PHLDB2: variants seen among roughly 807,000 people sequenced by gnomAD.
The protein encoded by PHLDB2 is pleckstrin homology like domain family B member 2.
Under a neutral mutation model 123.6 loss-of-function variants are expected in PHLDB2, and 71 were observed. The observed-to-expected ratio is 0.57, with a 90% confidence interval of 0.47 to 0.70. The LOEUF is 0.70. Ranked by LOEUF, PHLDB2 falls within the 30% of genes least tolerant of loss-of-function variation. The pLI, the probability that PHLDB2 is intolerant of heterozygous loss-of-function variation, is 0.00. For synonymous variants in PHLDB2, 547 were observed against 541.6 expected, an observed-to-expected ratio of 1.01 and a Z score of -0.14; for missense variants, 1,446 against 1,519.5, an observed-to-expected ratio of 0.95 and a Z score of 0.80.
At chr3:111,846,680 AC>A (rs1487208624) in intron 2 of PHLDB2, among the ~76,000 whole-genome samples, 3 of 152,086 alleles carry the variant, frequency 2.0e-5, no homozygotes, top group Admixed American at 6.6e-5. Flanking sequence ...AAATAGAAAA[AC>A]CTGTGTTAGG....
At chr3:111,971,832 G>A (rs539844665) in intron 16 of PHLDB2, among the ~76,000 whole-genome samples, 1 of 152,322 alleles carries the variant, frequency 6.6e-6, no homozygotes, top group Non-Finnish European at 1.5e-5. Context: ...AGGACTCTGT[G>A]TTATTCATGG....
intron 1 of PHLDB2, among the ~76,000 whole-genome samples, chr3:111,873,738 T>C (rs146379408): frequency 5.1e-4 from 78 of 152,336 alleles, no homozygotes; most frequent in African/African-American, 1.8e-3. Flanking sequence ...CAAAGCAAAG[T>C]CCTTCTTTCT....
intron 1 of PHLDB2, among the ~76,000 whole-genome samples, chr3:111,785,880 C>T (rs1281339336): frequency 6.6e-6 from 1 of 152,010 alleles, no homozygotes. Flanking sequence ...AAATGTTTTG[C>T]TCGGGAAGAG....
chr3:111,967,403 A>G (rs2071847955), intron 14 of PHLDB2, among the ~76,000 whole-genome samples: 2 of 152,228 alleles, frequency 1.3e-5, no homozygotes, highest in South Asian at 4.1e-4. Flanking sequence ...TTGATATGAA[A>G]TGATGAAATG....
At chr3:111,816,127 C>T (rs541158317) in intron 1 of PHLDB2, among the ~76,000 whole-genome samples, 1 of 152,328 alleles carries the variant, frequency 6.6e-6, no homozygotes, top group Non-Finnish European at 1.5e-5. Flanking sequence ...GATGCCCATG[C>T]AGAAGTTTGC....
intron 1 of PHLDB2, among the ~76,000 whole-genome samples, chr3:111,824,308 G>A (rs2062547896): frequency 6.6e-6 from 1 of 152,048 alleles, no homozygotes; most frequent in Non-Finnish European, 1.5e-5. Flanking sequence ...CTCCTCCCAG[G>A]AACTCTGGAG....
chr3:111,904,051 G>A lies in PHLDB2; in HGVS notation c.1336-9268G>A, dbSNP rs2067360982. 2.6e-5 allele frequency among the ~76,000 whole-genome samples: 4 copies of A among 152,114 alleles called. No individual in the cohort carries two copies. The South Asian group carries it at 8.3e-4, about 32-fold the overall frequency. ...CAGCACTTTTGGGAGGCCGAGGCGG[G>A]CAGATCACTTGAGGTGAGGAGTTCG... On this transcript the variant is annotated intron_variant, in intron 2 of 17. Coordinates refer to ENST00000431670, the MANE Select transcript of PHLDB2 (RefSeq NM_001134438.2).
At position 111,976,167 on chromosome 3, in the gene PHLDB2, TTCTAA is replaced by T. The variant is rs1345905385; in HGVS notation, c.*1607_*1611del. The T allele has an allele frequency of 1.3e-5, 2 of 152,546 alleles. No homozygotes were observed. Among genetic ancestry groups the T allele is most frequent in the African/African-American group, 2.4e-5 (1 of 41,476 alleles). The allele number at this position is 152,546 out of a possible 1,614,324, so 9.4% of individuals were successfully genotyped here. On this transcript the variant is annotated 3_prime_UTR_variant, in exon 18 of 18. Transcript: ENST00000431670. ...CTCTCTTCATAGGATTGTAAAGGTG[TTCTAA>T]TCCAATTGCATGATGTAGTAAGCCT...
At chr3:111,837,997 G>A (rs925226553) in intron 1 of PHLDB2, among the ~76,000 whole-genome samples, 10 of 151,922 alleles carry the variant, frequency 6.6e-5, no homozygotes, top group East Asian at 1.9e-4. Flanking sequence ...AGCTGAGATC[G>A]TCCCACCGCA....
At chr3:111,864,648 G>A (rs192651199) in intron 1 of PHLDB2, among the ~76,000 whole-genome samples, 6 of 152,320 alleles carry the variant, frequency 3.9e-5, no homozygotes, top group African/African-American at 1.4e-4. Context: ...GAGGTTGTAG[G>A]TAATTGCTAT....
intron 1 of PHLDB2, among the ~76,000 whole-genome samples, chr3:111,789,697 T>C (rs1559832196): frequency 6.6e-6 from 1 of 152,176 alleles, no homozygotes; most frequent in Non-Finnish European, 1.5e-5. Context: ...CATGAGATAA[T>C]AATATATATT....
intron 2 of PHLDB2, among the ~76,000 whole-genome samples, chr3:111,892,057 T>C (rs973685410): frequency 2.6e-5 from 4 of 152,212 alleles, no homozygotes; most frequent in Non-Finnish European, 5.9e-5. Flanking sequence ...TGTTGCCATT[T>C]AGAACTATGC....
intron 1 of PHLDB2, among the ~76,000 whole-genome samples, chr3:111,881,132 T>C (rs574507632): frequency 2.6e-5 from 4 of 152,238 alleles, no homozygotes; most frequent in African/African-American, 7.2e-5. Flanking sequence ...AAAATTTTCA[T>C]ACCTGCTGGC....
At chr3:111,802,829 G>A (rs1039293208) in intron 1 of PHLDB2, among the ~76,000 whole-genome samples, 4 of 152,184 alleles carry the variant, frequency 2.6e-5, no homozygotes, top group Non-Finnish European at 5.9e-5. Context: ...GAATCAATAA[G>A]GGTGGGTGGT....
intron 1 of PHLDB2, among the ~76,000 whole-genome samples, chr3:111,878,167 A>G (rs186580655): frequency 1.3e-5 from 2 of 152,280 alleles, no homozygotes; most frequent in Admixed American, 1.3e-4. Context: ...CACAATATTG[A>G]TTATTCCTAT....
chr3:111,761,361 TG>T (rs1431625620), intron 1 of PHLDB2, among the ~76,000 whole-genome samples: 1 of 151,974 alleles, frequency 6.6e-6, no homozygotes, highest in Non-Finnish European at 1.5e-5. Flanking sequence ...AAAGCAGAAG[TG>T]GGTATGGGTA....
chr3:111,763,378 G>T (rs2060027111), intron 1 of PHLDB2, among the ~76,000 whole-genome samples: 1 of 152,078 alleles, frequency 6.6e-6, no homozygotes, highest in Non-Finnish European at 1.5e-5. Flanking sequence ...TTTCTAGCTG[G>T]GTGACCTAGG....
At chr3:111,879,589 G>A (rs148798468) in intron 1 of PHLDB2, among the ~76,000 whole-genome samples, 7 of 152,094 alleles carry the variant, frequency 4.6e-5, no homozygotes, top group Admixed American at 2.0e-4. Context: ...AGGCACACTC[G>A]TGTAACTTTA....
At chr3:111,831,026 A>AAAGAAAGAAAGAAAGAAAGAAAGG (rs2062994514) in intron 1 of PHLDB2, among the ~76,000 whole-genome samples, 5 of 78,682 alleles carry the variant, frequency 6.4e-5, no homozygotes, top group African/African-American at 1.5e-4. Context: ...AGAAAGAAAG[A>AAAGAAAGAAAGAAAGAAAGAAAGG]AAGAAAGGAA....
Sources: allele counts gnomAD v4.1 joint callset (sites outside exome capture counted in the v4.1 genomes callset), GRCh38; gene constraint gnomAD v4.1.1; transcripts MANE v1.5; gene names NCBI Gene and HGNC (gene_info 2026-07-23, HGNC 2026-07-21).